Variants in PDE4B observed in about 807,000 individuals in gnomAD.
PDE4B encodes 3',5'-cyclic-AMP phosphodiesterase 4B.
A neutral mutation model predicts 82.2 loss-of-function variants in PDE4B; 20 were observed. The ratio of observed to expected loss-of-function variants is 0.24; its 90% confidence interval spans 0.17 to 0.35. The LOEUF (loss-of-function observed/expected upper bound fraction) is 0.35, where lower values mean the gene tolerates loss of function less well. Ranked by LOEUF, PDE4B falls within the 10% of genes least tolerant of loss-of-function variation. The probability of loss-of-function intolerance (pLI) is 1.00; values close to 1 mark genes in which losing one functional copy is unlikely to be tolerated. For synonymous variants in PDE4B, 320 were observed against 318.9 expected, an observed-to-expected ratio of 1.00 and a Z score of -0.04; for missense variants, 655 against 907.2, an observed-to-expected ratio of 0.72 and a Z score of 3.57.
intron 3 of PDE4B, among the ~76,000 whole-genome samples, chr1:66,006,683 C>T (rs1258652774): frequency 6.6e-6 from 1 of 151,992 alleles, no homozygotes; most frequent in Non-Finnish European, 1.5e-5. Flanking sequence ...GGAGGAGGTT[C>T]CCCCATGCTG....
intron 7 of PDE4B, among the ~76,000 whole-genome samples, chr1:66,267,902 G>A (rs1342475250): frequency 1.3e-5 from 2 of 152,244 alleles, no homozygotes; most frequent in African/African-American, 4.8e-5. Context: ...ATATTTATCA[G>A]CATATGACAA....
chr1:65,990,468 A>G (rs1279037922), intron 3 of PDE4B, among the ~76,000 whole-genome samples: 1 of 152,184 alleles, frequency 6.6e-6, no homozygotes, highest in Non-Finnish European at 1.5e-5. Flanking sequence ...GCAAAATCAC[A>G]TATTTTCATG....
At chr1:66,034,599 A>G (rs879868875) in intron 3 of PDE4B, among the ~76,000 whole-genome samples, 12 of 152,214 alleles carry the variant, frequency 7.9e-5, no homozygotes, top group Non-Finnish European at 1.5e-4. Flanking sequence ...AGGCATACAG[A>G]CATTGAAAAA....
chr1:66,309,392 A>C (rs987313666), intron 7 of PDE4B, among the ~76,000 whole-genome samples: 1 of 152,242 alleles, frequency 6.6e-6, no homozygotes, highest in Non-Finnish European at 1.5e-5. Flanking sequence ...CTTCTATAAA[A>C]TAGAGATAAT....
intron 3 of PDE4B, among the ~76,000 whole-genome samples, chr1:66,235,817 A>C (rs145187342): frequency 1.1e-3 from 172 of 152,342 alleles, no homozygotes; most frequent in African/African-American, 3.8e-3. Flanking sequence ...TTAACTGAGC[A>C]AAGGATTTTT....
At chr1:66,146,754 T>A (rs1293518696) in intron 3 of PDE4B, among the ~76,000 whole-genome samples, 1 of 152,188 alleles carries the variant, frequency 6.6e-6, no homozygotes, top group African/African-American at 2.4e-5. Context: ...ATATTAAAAT[T>A]TCATGTAAAT....
In PDE4B at chr1:65,866,384, C is replaced by T. The variant is rs148018958; in HGVS notation, c.-70-46861C>T. Among the ~76,000 whole-genome samples the T allele has an allele frequency of 3.5e-3, 534 of 152,194 alleles. 3 individuals are homozygous for T. The highest frequency in any genetic ancestry group is 0.012 in the African/African-American group (511 of 41,522). On this transcript the variant is annotated intron_variant, in intron 1 of 16. Coordinates refer to ENST00000341517, the MANE Select transcript of PDE4B (RefSeq NM_002600.4). ...TTTGAGGCAGCAGAATTGTCACTAA[C>T]ACACTCAAACTCAATCAAAATAAAG...
At position 66,367,996 on chromosome 1, in the gene PDE4B, A is replaced by C. The variant is rs1274107062; in HGVS notation, c.1593A>C (p.Thr531=). The stretch of plus-strand genomic sequence containing the variant: ...TGAGCCTGCTGGCAGACCTGAAGAC[A>C]ATGGTAGAAACGAAGAAAGTTACAA... ...KHMSLLADLK[T]MVETKKVTSS... is the part of the protein sequence containing the mutation. The change falls in exon 15 of 17, where the codon ACA becomes ACC. Residue 531 remains threonine, a synonymous_variant. Transcript: ENST00000341517. 1.2e-6 allele frequency: 2 copies of C among 1,613,904 alleles called. No individual in the cohort carries two copies. The highest frequency in any genetic ancestry group is 1.1e-5 in the South Asian group (1 of 91,078).
intron 3 of PDE4B, among the ~76,000 whole-genome samples, chr1:66,209,584 G>A (rs973412233): frequency 4.6e-5 from 7 of 152,090 alleles, no homozygotes. Flanking sequence ...GATACATTTG[G>A]TAAGATTTGA....
intron 3 of PDE4B, among the ~76,000 whole-genome samples, chr1:65,932,145 C>CT (rs1647870302): frequency 6.6e-6 from 1 of 151,786 alleles, no homozygotes; most frequent in Non-Finnish European, 1.5e-5. Flanking sequence ...CTGGCATACT[C>CT]TAGCTGCCTT....
intron 1 of PDE4B, among the ~76,000 whole-genome samples, chr1:65,821,503 C>G (rs1645952261): frequency 6.6e-6 from 1 of 152,150 alleles, no homozygotes; most frequent in South Asian, 2.1e-4. Flanking sequence ...TTTCTCCAGT[C>G]CTGGTCTTCC....
chr1:66,333,498 A>T (rs1660279946), intron 8 of PDE4B, among the ~76,000 whole-genome samples: 1 of 152,222 alleles, frequency 6.6e-6, no homozygotes, highest in Non-Finnish European at 1.5e-5. Context: ...ACACTTTGTT[A>T]AAAAGCCTTA....
chr1:66,185,734 A>C (rs1647180619), intron 3 of PDE4B, among the ~76,000 whole-genome samples: 1 of 152,152 alleles, frequency 6.6e-6, no homozygotes. Flanking sequence ...TCTGGATATT[A>C]GCCCTTTGTC....
intron 1 of PDE4B, among the ~76,000 whole-genome samples, chr1:65,802,383 C>T (rs1474560191): frequency 6.6e-6 from 1 of 152,074 alleles, no homozygotes; most frequent in East Asian, 1.9e-4. Flanking sequence ...TGGCCAGGCA[C>T]AAGGCACACA....
At chr1:65,963,276 C>A (rs1028058446) in intron 3 of PDE4B, among the ~76,000 whole-genome samples, 1 of 152,166 alleles carries the variant, frequency 6.6e-6, no homozygotes, top group Non-Finnish European at 1.5e-5. Context: ...TTTGGCCCTG[C>A]GACTGCAGGC....
chr1:65,995,864 A>G (rs1446158548), intron 3 of PDE4B, among the ~76,000 whole-genome samples: 1 of 152,196 alleles, frequency 6.6e-6, no homozygotes, highest in Admixed American at 6.6e-5. Flanking sequence ...TTGAAATTAA[A>G]GTAATTTTCA....
chr1:65,974,753 C>G (rs1259566395), intron 3 of PDE4B, among the ~76,000 whole-genome samples: 1 of 152,208 alleles, frequency 6.6e-6, no homozygotes, highest in Non-Finnish European at 1.5e-5. Context: ...TTCTCTTCTG[C>G]TTCACCATAG....
intron 3 of PDE4B, among the ~76,000 whole-genome samples, chr1:66,225,882 A>G (rs1651412024): frequency 6.6e-6 from 1 of 152,224 alleles, no homozygotes. Flanking sequence ...CATTCATTGT[A>G]TGTGTCATGT....
chr1:66,211,523 A>G (rs1650048513), intron 3 of PDE4B, among the ~76,000 whole-genome samples: 2 of 152,230 alleles, frequency 1.3e-5, no homozygotes, highest in Admixed American at 6.5e-5. Flanking sequence ...GGCAAATTAA[A>G]TAATAATGCT....
Sources: allele counts gnomAD v4.1 joint callset (sites outside exome capture counted in the v4.1 genomes callset), GRCh38; gene constraint gnomAD v4.1.1; transcripts MANE v1.5; gene names NCBI Gene and HGNC (gene_info 2026-07-23, HGNC 2026-07-21).